The following SLC45A4 variants were observed in gnomAD, a reference collection of about 807,000 sequenced individuals.
SLC45A4 encodes the protein polyamine-transporter SLC45A4.
A neutral mutation model predicts 63.7 loss-of-function variants in SLC45A4; 32 were observed. That is an observed-to-expected ratio of 0.50 (90% CI 0.38 to 0.67). The LOEUF is 0.67. Among genes scored for constraint, SLC45A4 ranks in the 30% least tolerant of loss-of-function variants. SLC45A4 has a pLI of 0.00. For synonymous variants in SLC45A4, 535 were observed against 510.0 expected, an observed-to-expected ratio of 1.05 and a Z score of -0.66; for missense variants, 1,027 against 1,157.7, an observed-to-expected ratio of 0.89 and a Z score of 1.64.
At chr8:141,301,519 G>T (rs1830742055) in intron 1 of SLC45A4, among the ~76,000 whole-genome samples, 1 of 151,938 alleles carries the variant, frequency 6.6e-6, no homozygotes, top group Non-Finnish European at 1.5e-5. Context: ...GAGGCAGGAG[G>T]GAGGGTCGCT....
chr8:141,218,635 G>A lies in SLC45A4; in HGVS notation c.1005C>T (p.Phe335=), dbSNP rs761747352. Residue 335 remains phenylalanine (F), a synonymous_variant, in exon 5 of 9, where the codon TTC becomes TTT. Coordinates refer to ENST00000517878, the MANE Select transcript of SLC45A4 (RefSeq NM_001286646.2). ...GGGTGGCGGGGTAGGAGGCGTCGTG[G>A]AAGATGGAGGGCTCGATGTCGTGCA... ...LFLHDIEPSI[F]HDASYPATPR... The A allele has an allele frequency of 5.6e-6, 9 of 1,613,290 alleles. No homozygotes were observed. In the Admixed American group the frequency reaches 6.7e-5, roughly 12 times the overall value.
chr8:141,303,983 C>T (rs1210358480), intron 1 of SLC45A4, among the ~76,000 whole-genome samples: 1 of 152,226 alleles, frequency 6.6e-6, no homozygotes, highest in Non-Finnish European at 1.5e-5. Flanking sequence ...TATTCCTGCA[C>T]TGGGGACAAA....
At chr8:141,259,136 G>C (rs974719339) in intron 1 of SLC45A4, among the ~76,000 whole-genome samples, 6 of 152,294 alleles carry the variant, frequency 3.9e-5, no homozygotes, top group Non-Finnish European at 8.8e-5. Flanking sequence ...TGTAAAGTTG[G>C]CCTTCCAAAG....
chr8:141,235,743 G>A (rs765269474), intron 2 of SLC45A4, among the ~76,000 whole-genome samples: 3 of 152,298 alleles, frequency 2.0e-5, no homozygotes, highest in African/African-American at 4.8e-5. Flanking sequence ...TCACGTTCTC[G>A]AATGAAAAAT....
intron 2 of SLC45A4, among the ~76,000 whole-genome samples, chr8:141,222,164 G>A (rs1188617991): frequency 6.6e-6 from 1 of 152,250 alleles, no homozygotes; most frequent in Non-Finnish European, 1.5e-5. Flanking sequence ...GCCACTTTGA[G>A]GGTGGCAGGC....
intron 2 of SLC45A4, among the ~76,000 whole-genome samples, chr8:141,235,703 C>T (rs892078095): frequency 2.0e-5 from 3 of 152,110 alleles, no homozygotes; most frequent in Non-Finnish European, 4.4e-5. Flanking sequence ...CAAACCATGC[C>T]GTCAAAACAT....
In SLC45A4 at chr8:141,254,059, C is replaced by T. The variant is rs1312559008; in HGVS notation, c.171G>A (p.Ala57=). ...AACAGAACTCCCTGCCAAACATCAC[C>T]GCCCCGTGCATCACCCACAGGCGCA... ...IPMRLWVMHG[A]VMFGREFCYA... is the part of the protein sequence containing the mutation. Residue 57 remains alanine (A), a synonymous_variant, in exon 2 of 9, where the codon GCG becomes GCA. Coordinates refer to ENST00000517878, the MANE Select transcript of SLC45A4 (RefSeq NM_001286646.2). This position sits in a 1 kb window ranked among gnomAD's most constrained non-coding sequence, Gnocchi z 4.5. 9.8e-6 allele frequency: 15 copies of T among 1,536,056 alleles called. No homozygotes were observed. Among genetic ancestry groups the T allele is most frequent in the Middle Eastern group, 1.7e-4 (1 of 6,012 alleles).
At position 141,254,247 on chromosome 8, in the gene SLC45A4, G is replaced by T; in HGVS notation, c.-18C>A. 6.6e-7 allele frequency: 1 copy of T among 1,516,814 alleles called. No homozygotes were observed. Among genetic ancestry groups the T allele is most frequent in the Non-Finnish European group, 8.8e-7 (1 of 1,135,938 alleles). The allele number at this position is 1,516,814 out of a possible 1,614,324, so 94.0% of individuals were successfully genotyped here. A position where few individuals can be genotyped will look rare whatever the true frequency, so the allele number is the denominator to read the frequency against. ...ATTTTCATTACCACCAAAAATATAT[G>T]TATTTATCTATATATTCTATCTATA... On this transcript the variant is annotated 5_prime_UTR_variant, in exon 2 of 9. Transcript: ENST00000517878. The surrounding 1 kb of genome is among the most constrained non-coding windows in gnomAD (Gnocchi z 4.5).
intron 1 of SLC45A4, among the ~76,000 whole-genome samples, chr8:141,280,580 G>A (rs909138630): frequency 3.3e-5 from 5 of 152,150 alleles, no homozygotes; most frequent in African/African-American, 4.8e-5. Flanking sequence ...TGGGTCACTC[G>A]GGGCCCCTGC....
intron 2 of SLC45A4, chr8:141,228,073 C>T: frequency 7.3e-7 from 1 of 1,364,554 alleles, no homozygotes. Context: ...GAGGGGAGAG[C>T]TGTGTGGAGT....
At chr8:141,300,761 C>T (rs1006376545) in intron 1 of SLC45A4, among the ~76,000 whole-genome samples, 2 of 152,250 alleles carry the variant, frequency 1.3e-5, no homozygotes, top group Admixed American at 6.5e-5. Flanking sequence ...GGCACAATTC[C>T]ACTGTCTTAC....
At chr8:141,276,458 G>A (rs76843018) in intron 1 of SLC45A4, among the ~76,000 whole-genome samples, 2 of 152,280 alleles carry the variant, frequency 1.3e-5, no homozygotes, top group East Asian at 1.9e-4. Context: ...TATTTGGTAC[G>A]GAAACACTAC....
rs989748976 is a variant in SLC45A4 at position 141,254,258 on chromosome 8, T to C, written c.-29A>G. ...CACCAAAAATATATGTATTTATCTA[T>C]ATATTCTATCTATATAAATAATGCT... On this transcript the variant is annotated 5_prime_UTR_variant, in exon 2 of 9. It adds an upstream start codon to the 5' untranslated region. Coordinates refer to ENST00000517878, the MANE Select transcript of SLC45A4 (RefSeq NM_001286646.2). This position sits in a 1 kb window ranked among gnomAD's most constrained non-coding sequence, Gnocchi z 4.5. The C allele has an allele frequency of 5.4e-6, 8 of 1,493,920 alleles. No homozygotes were observed. In the African/African-American group the frequency reaches 8.5e-5, roughly 16 times the overall value. The allele number at this position is 1,493,920 out of a possible 1,614,324, so 92.5% of individuals were successfully genotyped here.
At chr8:141,216,341 G>A (rs1456380725) in intron 6 of SLC45A4, among the ~76,000 whole-genome samples, 2 of 152,206 alleles carry the variant, frequency 1.3e-5, no homozygotes, top group African/African-American at 4.8e-5. Context: ...GGGTAGCAGT[G>A]GACAGTCCTG....
chr8:141,239,434 C>G (rs1827793044), intron 2 of SLC45A4, among the ~76,000 whole-genome samples: 1 of 152,174 alleles, frequency 6.6e-6, no homozygotes, highest in African/African-American at 2.4e-5. Flanking sequence ...ACCTCCCAGG[C>G]AAGGGAATTG....
chr8:141,214,816 G>T (rs1367150225), intron 7 of SLC45A4, among the ~76,000 whole-genome samples: 1 of 152,198 alleles, frequency 6.6e-6, no homozygotes, highest in Non-Finnish European at 1.5e-5. Context: ...CAGAGGGGCG[G>T]GGAGCAGTGC....
chr8:141,235,436 C>T (rs1189695923), intron 2 of SLC45A4, among the ~76,000 whole-genome samples: 25 of 152,100 alleles, frequency 1.6e-4, no homozygotes, highest in Admixed American at 1.5e-3. Context: ...GTCACGGTGA[C>T]GAGGAGGACG....
chr8:141,217,878 C>T, intron 5 of SLC45A4, 133 bp downstream of exon 5: 1 of 1,147,944 alleles, frequency 8.7e-7, no homozygotes, highest in Admixed American at 2.7e-5. Flanking sequence ...CCCTCACCTG[C>T]ACGGGAGGCA....
chr8:141,285,459 A>G (rs1165202427), intron 1 of SLC45A4, among the ~76,000 whole-genome samples: 1 of 152,166 alleles, frequency 6.6e-6, no homozygotes, highest in Admixed American at 6.5e-5. Context: ...ACTTGGCCCG[A>G]GGTCACGGTG....
Sources: gnomAD v4.1 joint callset for allele counts (sites outside exome capture counted in the v4.1 genomes callset) on GRCh38, gnomAD v4.1.1 for gene constraint, Gnocchi (gnomAD v3.1) non-coding constraint, MANE v1.5 for transcripts, NCBI Gene and HGNC (gene_info 2026-07-23, HGNC 2026-07-21) for gene names.